Variants in MDGA2 observed in about 807,000 individuals in gnomAD.
MDGA2 encodes MAM domain-containing glycosylphosphatidylinositol anchor protein 2.
A neutral mutation model predicts 117.8 loss-of-function variants in MDGA2; 40 were observed. The ratio of observed to expected loss-of-function variants is 0.34; its 90% CI spans 0.26 to 0.44. The LOEUF is 0.44. Among genes scored for constraint, MDGA2 ranks in the 20% least tolerant of loss-of-function variants. The probability of loss-of-function intolerance (pLI) is 1.00; values close to 1 mark genes in which losing one functional copy is unlikely to be tolerated. For missense variants in MDGA2, 1,123 were observed against 1,250.6 expected, an observed-to-expected ratio of 0.90 and a Z score of 1.54; for synonymous variants, 452 against 439.0, an observed-to-expected ratio of 1.03 and a Z score of -0.37.
intron 1 of MDGA2, among the ~76,000 whole-genome samples, chr14:47,403,982 A>G (rs1289912530): frequency 6.6e-6 from 1 of 151,948 alleles, no homozygotes; most frequent in African/African-American, 2.4e-5. Context: ...CAGCTGCACA[A>G]TTGTCCACTC....
chr14:47,487,696 G>A (rs984291574), intron 1 of MDGA2, among the ~76,000 whole-genome samples: 1 of 152,032 alleles, frequency 6.6e-6, no homozygotes, highest in Non-Finnish European at 1.5e-5. Context: ...TTTATTGGTT[G>A]CTTATTTCTA....
chr14:47,674,333 A>G (rs1210822393), intron 1 of MDGA2, among the ~76,000 whole-genome samples, 184 bp downstream of exon 1: 1 of 152,136 alleles, frequency 6.6e-6, no homozygotes, highest in Admixed American at 6.5e-5. Context: ...GCGCCGGGGA[A>G]GCGGCTCGCA....
At chr14:47,194,797 C>T (rs1885232058) in intron 3 of MDGA2, among the ~76,000 whole-genome samples, 1 of 151,740 alleles carries the variant, frequency 6.6e-6, no homozygotes, top group Non-Finnish European at 1.5e-5. Flanking sequence ...TCTCTCTCTT[C>T]CCCCATCACA....
intron 8 of MDGA2, among the ~76,000 whole-genome samples, chr14:46,973,205 G>A (rs1204641383): frequency 2.0e-5 from 3 of 152,026 alleles, no homozygotes; most frequent in African/African-American, 4.8e-5. Flanking sequence ...AAATATTTTG[G>A]CAGTTTCTTA....
At chr14:46,959,007 T>C (rs2138263835) in intron 8 of MDGA2, among the ~76,000 whole-genome samples, 1 of 152,308 alleles carries the variant, frequency 6.6e-6, no homozygotes, top group Admixed American at 6.5e-5. Context: ...TATTCATTTA[T>C]TTTTTGCCTA....
chr14:47,501,049 AT>A (rs1894389421), intron 1 of MDGA2, among the ~76,000 whole-genome samples: 1 of 152,158 alleles, frequency 6.6e-6, no homozygotes, highest in South Asian at 2.1e-4. Flanking sequence ...CCACCGATGA[AT>A]TTTATCCTCA....
intron 2 of MDGA2, among the ~76,000 whole-genome samples, chr14:47,241,079 T>G (rs907371797): frequency 6.6e-6 from 1 of 151,842 alleles, no homozygotes; most frequent in African/African-American, 2.4e-5. Context: ...ACTTAACCTT[T>G]AGGAGTGGAT....
intron 1 of MDGA2, among the ~76,000 whole-genome samples, chr14:47,670,585 T>C (rs1039483100): frequency 1.4e-4 from 22 of 152,168 alleles, no homozygotes; most frequent in African/African-American, 5.1e-4. Flanking sequence ...AGAAAATGCA[T>C]TGGATCACTT....
At chr14:47,213,861 G>A (rs1277931674) in intron 3 of MDGA2, among the ~76,000 whole-genome samples, 2 of 152,082 alleles carry the variant, frequency 1.3e-5, no homozygotes, top group African/African-American at 2.4e-5. Context: ...CAGCATGGTT[G>A]GGGCGACCTC....
intron 8 of MDGA2, among the ~76,000 whole-genome samples, chr14:46,988,679 G>A (rs1040671544): frequency 2.0e-5 from 3 of 152,030 alleles, no homozygotes; most frequent in Admixed American, 6.6e-5. Flanking sequence ...GAGCTGGAAA[G>A]AGGGATGGAT....
intron 9 of MDGA2, among the ~76,000 whole-genome samples, chr14:46,923,510 ATTAC>A (rs1483222343): frequency 5.3e-5 from 8 of 152,046 alleles, no homozygotes; most frequent in African/African-American, 1.9e-4. Context: ...GAATAATCAT[ATTAC>A]TTGGAATTAA....
intron 10 of MDGA2, among the ~76,000 whole-genome samples, chr14:46,909,024 T>G (rs1363103054): frequency 1.3e-5 from 2 of 152,214 alleles, no homozygotes; most frequent in Non-Finnish European, 2.9e-5. Flanking sequence ...GTCTGTTTTA[T>G]TTGTTGCATA....
At chr14:47,408,739 G>A (rs1292046596) in intron 1 of MDGA2, among the ~76,000 whole-genome samples, 1 of 152,144 alleles carries the variant, frequency 6.6e-6, no homozygotes, top group African/African-American at 2.4e-5. Flanking sequence ...GATAGTATTA[G>A]GAGATATTAT....
intron 3 of MDGA2, among the ~76,000 whole-genome samples, chr14:47,217,084 G>A (rs1176566347): frequency 6.6e-6 from 1 of 152,026 alleles, no homozygotes; most frequent in African/African-American, 2.4e-5. Flanking sequence ...AGATTCAGCA[G>A]AGCATCTGAC....
intron 9 of MDGA2, among the ~76,000 whole-genome samples, chr14:46,939,735 CTTATCA>C (rs1456476704): frequency 2.6e-5 from 4 of 152,092 alleles, no homozygotes; most frequent in African/African-American, 9.7e-5. Flanking sequence ...TGGCAATATC[CTTATCA>C]TTTTGTCCTT....
intron 1 of MDGA2, among the ~76,000 whole-genome samples, chr14:47,385,337 C>T (rs1566763980): frequency 6.6e-6 from 1 of 151,570 alleles, no homozygotes; most frequent in African/African-American, 2.4e-5. Flanking sequence ...CCCTTAGGTA[C>T]AGTAAAATTA....
In MDGA2 at chr14:47,495,885, A is replaced by T. The variant is rs1380352906; in HGVS notation, c.280+178632T>A. Among the ~76,000 whole-genome samples the T allele has an allele frequency of 2.0e-4, 30 of 152,138 alleles. 1 individual carries two copies. The highest frequency in any genetic ancestry group is 2.0e-3 in the Admixed American group (30 of 15,258). Reference sequence around the variant, plus strand: ...ATACCCATTTCATTGTTCTTTCAAAATCACTAGGTTATCTCTTATTTAAAA... The same window carrying T: ...ATACCCATTTCATTGTTCTTTCAAATTCACTAGGTTATCTCTTATTTAAAA... On this transcript the variant is annotated intron_variant, in intron 1 of 16. Transcript: ENST00000399232.
At chr14:47,368,360 T>C (rs543268281) in intron 1 of MDGA2, among the ~76,000 whole-genome samples, 2 of 152,228 alleles carry the variant, frequency 1.3e-5, no homozygotes, top group South Asian at 4.1e-4. Context: ...AAATAAATGA[T>C]TGTATAGACC....
At chr14:47,425,756 C>T (rs1892674951) in intron 1 of MDGA2, among the ~76,000 whole-genome samples, 2 of 152,008 alleles carry the variant, frequency 1.3e-5, no homozygotes, top group African/African-American at 4.8e-5. Flanking sequence ...TATATTTTGA[C>T]ATGTTAGACT....
Sources: gnomAD v4.1 joint callset for allele counts (sites outside exome capture counted in the v4.1 genomes callset) on GRCh38, gnomAD v4.1.1 for gene constraint, MANE v1.5 for transcripts, NCBI Gene and HGNC (gene_info 2026-07-23, HGNC 2026-07-21) for gene names.